Variants in SNX30 observed in about 807,000 individuals in gnomAD.
SNX30 encodes sorting nexin family member 30.
Under a neutral mutation model 46.4 loss-of-function variants are expected in SNX30, and 24 were observed. The observed-to-expected ratio is 0.52, with a 90% confidence interval of 0.37 to 0.73. The LOEUF (loss-of-function observed/expected upper bound fraction) is 0.73, where lower values mean the gene tolerates loss of function less well. Among genes scored for constraint, SNX30 ranks in the 30% least tolerant of loss-of-function variants. The pLI is 0.00. For missense variants in SNX30, 533 were observed against 555.7 expected, an observed-to-expected ratio of 0.96 and a Z score of 0.41; for synonymous variants, 189 against 211.5, an observed-to-expected ratio of 0.89 and a Z score of 0.92.
chr9:112,826,900 A>G (rs1840586494), intron 3 of SNX30, among the ~76,000 whole-genome samples: 1 of 152,246 alleles, frequency 6.6e-6, no homozygotes, highest in Admixed American at 6.5e-5. Flanking sequence ...CATCGGGCTG[A>G]GTGGCCCGTC....
At chr9:112,865,976 T>C (rs1841336232) in intron 8 of SNX30, among the ~76,000 whole-genome samples, 1 of 152,058 alleles carries the variant, frequency 6.6e-6, no homozygotes, top group South Asian at 2.1e-4. Context: ...CCAGCGTTCC[T>C]AAAGTCCTGG....
At chr9:112,830,430 T>C (rs1257831061) in intron 3 of SNX30, among the ~76,000 whole-genome samples, 1 of 152,058 alleles carries the variant, frequency 6.6e-6, no homozygotes, top group Non-Finnish European at 1.5e-5. Flanking sequence ...TTCCATCATA[T>C]CACGTGTACA....
intron 6 of SNX30, among the ~76,000 whole-genome samples, chr9:112,842,213 G>GAT (rs747086363): frequency 7.2e-5 from 11 of 152,202 alleles, no homozygotes; most frequent in Non-Finnish European, 1.5e-4. Flanking sequence ...AAAATGCTGG[G>GAT]ATTACAGGCG....
intron 2 of SNX30, among the ~76,000 whole-genome samples, chr9:112,813,529 C>T (rs1052053753): frequency 1.1e-4 from 16 of 144,436 alleles, no homozygotes; most frequent in East Asian, 4.1e-4. Flanking sequence ...AGTGCAGTGG[C>T]GCGATCTTGG....
intron 6 of SNX30, among the ~76,000 whole-genome samples, chr9:112,847,929 T>G (rs1340411783): frequency 2.6e-5 from 4 of 152,174 alleles, no homozygotes; most frequent in Non-Finnish European, 5.9e-5. Context: ...TATATTTTAC[T>G]TGCTTCTTGT....
At chr9:112,766,876 G>T (rs1168291493) in intron 1 of SNX30, among the ~76,000 whole-genome samples, 2 of 152,140 alleles carry the variant, frequency 1.3e-5, no homozygotes, top group Non-Finnish European at 2.9e-5. Context: ...ACATTAGGTT[G>T]CTTTTGCCTC....
chr9:112,764,780 G>T (rs1226955422), intron 1 of SNX30, among the ~76,000 whole-genome samples: 1 of 152,198 alleles, frequency 6.6e-6, no homozygotes, highest in Middle Eastern at 3.2e-3. Context: ...TATCTAGCTT[G>T]CATTAACTTA....
chr9:112,865,651 ATATATATATATGTATG>A (rs1277210242), intron 8 of SNX30, among the ~76,000 whole-genome samples: 12 of 86,148 alleles, frequency 1.4e-4, no homozygotes, highest in African/African-American at 4.5e-4. Flanking sequence ...ATATATATAT[ATATATATATATGTATG>A]TATGTATGCA....
intron 4 of SNX30, among the ~76,000 whole-genome samples, chr9:112,832,456 G>GAA (rs1840676532): frequency 8.9e-6 from 1 of 111,904 alleles, no homozygotes; most frequent in African/African-American, 4.3e-5. Flanking sequence ...GAGAGAGAGA[G>GAA]AGAGTGTGTG....
At chr9:112,771,222 G>C (rs1421790356) in intron 1 of SNX30, among the ~76,000 whole-genome samples, 6 of 152,116 alleles carry the variant, frequency 3.9e-5, no homozygotes, top group African/African-American at 1.4e-4. Flanking sequence ...ACCTGGTATG[G>C]GTGGAGTATA....
chr9:112,882,749 C>A (rs1018637214), downstream of SNX30, among the ~76,000 whole-genome samples: 3 of 151,996 alleles, frequency 2.0e-5, no homozygotes, highest in Non-Finnish European at 2.9e-5. Flanking sequence ...TTAATGAGAT[C>A]ATGAGATTGG....
chr9:112,822,529 CTGTTTTGTTT>C (rs1236448901), intron 3 of SNX30, among the ~76,000 whole-genome samples: 39 of 56,020 alleles, frequency 7.0e-4, no homozygotes, highest in Admixed American at 1.4e-3. Flanking sequence ...TGTCCCTTTG[CTGTTTTGTTT>C]TGTTTTTTTT....
chr9:112,845,829 T>C (rs1840933216), intron 6 of SNX30, among the ~76,000 whole-genome samples: 1 of 152,194 alleles, frequency 6.6e-6, no homozygotes, highest in Admixed American at 6.5e-5. Context: ...CCATGGAGTT[T>C]CCCTCTTGGA....
chr9:112,860,945 G>A (rs1841217752), intron 7 of SNX30, among the ~76,000 whole-genome samples: 1 of 152,156 alleles, frequency 6.6e-6, no homozygotes, highest in Admixed American at 6.5e-5. Context: ...ATGACTCTCT[G>A]GAACCAGTGT....
intron 7 of SNX30, among the ~76,000 whole-genome samples, chr9:112,853,820 G>A (rs1207251150): frequency 1.3e-5 from 2 of 152,166 alleles, no homozygotes; most frequent in African/African-American, 4.8e-5. Flanking sequence ...TCATTAATTC[G>A]ATTGTGATCG....
At position 112,792,886 on chromosome 9, in the gene SNX30, T is replaced by TC. The variant is rs140322884; in HGVS notation, c.157-11890_157-11889insC. ...TCTCTTTCCACTTTCTTTAGGCTTT[T>TC]TTTTTTCTTTTTCTTTTAATGGGAA... On this transcript the variant is annotated intron_variant, in intron 1 of 8. Transcript: ENST00000374232. 1.4e-3 allele frequency among the ~76,000 whole-genome samples: 211 copies of TC among 151,800 alleles called. 2 individuals carry two copies. Among genetic ancestry groups the TC allele is most frequent in the African/African-American group, 4.8e-3 (198 of 41,394 alleles).
chr9:112,807,052 C>CTTTTTTTTTTTTTTTT (rs10554051), intron 2 of SNX30, among the ~76,000 whole-genome samples: 1 of 63,006 alleles, frequency 1.6e-5, no homozygotes, highest in Non-Finnish European at 2.6e-5. Context: ...TCTTTTCTAT[C>CTTTTTTTTTTTTTTTT]TTTTTTTTTT....
intron 2 of SNX30, among the ~76,000 whole-genome samples, chr9:112,806,073 C>T (rs771747276): frequency 2.5e-4 from 38 of 152,068 alleles, no homozygotes; most frequent in Non-Finnish European, 4.1e-4. Flanking sequence ...GCAGTATTAA[C>T]CTTTTGGACT....
downstream of SNX30, chr9:112,877,630 T>A (rs1841533536): frequency 6.6e-6 from 1 of 152,274 alleles, no homozygotes; most frequent in African/African-American, 2.4e-5. Context: ...AACCAACTCC[T>A]GTAGCCTCTA....
Sources: gnomAD v4.1 joint callset for allele counts (sites outside exome capture counted in the v4.1 genomes callset) on GRCh38, gnomAD v4.1.1 for gene constraint, MANE v1.5 for transcripts, NCBI Gene and HGNC (gene_info 2026-07-23, HGNC 2026-07-21) for gene names.